Variants in RAP1B observed in about 807,000 individuals in gnomAD.
The protein encoded by RAP1B is ras-related protein Rap-1b.
RAP1B carries 1 observed loss-of-function variant against 27.5 expected under a neutral mutation model. That is an observed-to-expected ratio of 0.04 (90% CI 0.01 to 0.17). The LOEUF is 0.17. RAP1B is among the 10% of genes least tolerant of loss of function. RAP1B has a pLI of 1.00. For synonymous variants in RAP1B, 75 were observed against 73.1 expected (o/e 1.03, Z -0.13); for missense variants, 84 against 214.8 (o/e 0.39, Z 3.81).
In RAP1B at chr12:68,662,214, A is replaced by G. The variant is rs1874638726; in HGVS notation, c.*2965A>G. On this transcript the variant is annotated 3_prime_UTR_variant, in exon 8 of 8. Transcript: ENST00000250559. ...TGCAGTTTGGGAGCACAACTCATGT[A>G]GATTGACTTTTCTGGTGCTTAATGG... 1 of 151,810 alleles carries G rather than the reference A, an allele frequency of 6.6e-6. No homozygotes were observed. Among genetic ancestry groups the G allele is most frequent in the South Asian group, 2.1e-4 (1 of 4,826 alleles). The allele number at this position is 151,810 out of a possible 1,614,324, so 9.4% of individuals were successfully genotyped here. A position where few individuals can be genotyped will look rare whatever the true frequency, so the allele number is the denominator to read the frequency against.
At chr12:68,626,420 TG>T (rs759146034) in intron 1 of RAP1B, among the ~76,000 whole-genome samples, 12 of 152,206 alleles carry the variant, frequency 7.9e-5, no homozygotes, top group Non-Finnish European at 1.6e-4. Context: ...CTTTGCAACC[TG>T]TTCAGCAAAT....
rs373952903 is a variant in RAP1B, at chr12:68,640,392, G to C, written c.-26-8307G>C. Among the ~76,000 whole-genome samples the C allele has an allele frequency of 4.6e-5, 7 of 151,652 alleles. No individual in the cohort carries two copies. In the South Asian group the frequency reaches 1.5e-3, roughly 32 times the overall value. On this transcript the variant is annotated intron_variant, in intron 1 of 7. Coordinates refer to ENST00000250559, the MANE Select transcript of RAP1B (RefSeq NM_001010942.3). The stretch of plus-strand genomic sequence containing the variant: ...TTCCCCCTCTATACCCTTTACTCCA[G>C]ATTATAAATTCTGAGGACAGGGTCT...
rs770749023 is a variant in RAP1B, at chr12:68,629,321, C to G, written c.-27+18278C>G. Among the ~76,000 whole-genome samples the G allele has an allele frequency of 1.4e-3, 216 of 152,118 alleles. 2 individuals are homozygous for G. Among genetic ancestry groups the G allele is most frequent in the Non-Finnish European group, 2.8e-4 (19 of 68,034 alleles). ...ACAGTACCTTATTTTCATTGTTGCTCTGAAGATTGAAATTTAATATATGGA... is the reference window on the plus strand; with the variant it reads ...ACAGTACCTTATTTTCATTGTTGCTGTGAAGATTGAAATTTAATATATGGA... On this transcript the variant is annotated intron_variant, in intron 1 of 7. Coordinates refer to ENST00000250559, the MANE Select transcript of RAP1B (RefSeq NM_001010942.3).
At chr12:68,626,216 C>G (rs1217728645) in intron 1 of RAP1B, among the ~76,000 whole-genome samples, 1 of 152,170 alleles carries the variant, frequency 6.6e-6, no homozygotes, top group Admixed American at 6.5e-5. Context: ...TTCTTCCATT[C>G]ATGAAAATGG....
chr12:68,639,791 A>C (rs1413422233), intron 1 of RAP1B, among the ~76,000 whole-genome samples: 1 of 152,000 alleles, frequency 6.6e-6, no homozygotes, highest in African/African-American at 2.4e-5. Flanking sequence ...TTGACTCCCA[A>C]ATCCAAATTT....
chr12:68,647,610 T>G (rs1183541802), intron 1 of RAP1B, among the ~76,000 whole-genome samples: 1 of 151,410 alleles, frequency 6.6e-6, no homozygotes, highest in Non-Finnish European at 1.5e-5. Context: ...CTTGCTAGAC[T>G]GCTGGTCTTA....
intron 1 of RAP1B, among the ~76,000 whole-genome samples, chr12:68,618,448 A>G (rs538348495): frequency 1.3e-5 from 2 of 152,206 alleles, no homozygotes; most frequent in Non-Finnish European, 2.9e-5. Context: ...ATGAATAAGG[A>G]CTAATAAATA....
intron 1 of RAP1B, among the ~76,000 whole-genome samples, chr12:68,641,670 A>C (rs913313400): frequency 6.6e-6 from 1 of 152,202 alleles, no homozygotes; most frequent in Non-Finnish European, 1.5e-5. Flanking sequence ...CAAATTAGGA[A>C]TCTTTAAATG....
At chr12:68,625,387 A>T (rs1296401086) in intron 1 of RAP1B, among the ~76,000 whole-genome samples, 3 of 152,266 alleles carry the variant, frequency 2.0e-5, no homozygotes, top group Non-Finnish European at 2.9e-5. Context: ...GTGCGTGCGT[A>T]AGCAGGTAGT....
rs527770574 is a variant in RAP1B at position 68,669,791 on chromosome 12, C to G, written c.*10542C>G. 4 of 152,102 alleles carry G rather than the reference C, an allele frequency of 2.6e-5. No homozygotes were observed. Among genetic ancestry groups the G allele is most frequent in the African/African-American group, 9.7e-5 (4 of 41,404 alleles). 9.4% of individuals were successfully genotyped at this position (152,102 alleles called of 1,614,324 possible). On this transcript the variant is annotated 3_prime_UTR_variant, in exon 8 of 8. Transcript: ENST00000250559. Reference sequence around the variant, plus strand: ...CTCCAGCCTGGGTGACAGAGCAAATCTCTATCTCAAGAAAAAGAAAAAAGA... The same window carrying G: ...CTCCAGCCTGGGTGACAGAGCAAATGTCTATCTCAAGAAAAAGAAAAAAGA...
At chr12:68,630,054 C>A (rs1296786907) in intron 1 of RAP1B, among the ~76,000 whole-genome samples, 1 of 152,218 alleles carries the variant, frequency 6.6e-6, no homozygotes, top group African/African-American at 2.4e-5. Context: ...GAACTAGATT[C>A]TTTCCCTTTG....
At chr12:68,627,077 C>T (rs1871847886) in intron 1 of RAP1B, 1 of 1,593,570 alleles carries the variant, frequency 6.3e-7, no homozygotes, top group Non-Finnish European at 8.5e-7. Flanking sequence ...CAATCACATG[C>T]TCCTTGTTCT....
chr12:68,611,354 A>T (rs868392056), intron 1 of RAP1B, among the ~76,000 whole-genome samples: 4 of 63,258 alleles, frequency 6.3e-5, no homozygotes, highest in African/African-American at 1.2e-4. Flanking sequence ...GGACCCCCCC[A>T]CCCGCCCGCT....
intron 1 of RAP1B, among the ~76,000 whole-genome samples, chr12:68,646,775 T>C (rs1232289233): frequency 1.3e-5 from 2 of 152,240 alleles, no homozygotes; most frequent in African/African-American, 4.8e-5. Flanking sequence ...ACATGCAACA[T>C]CAGTTCCTCC....
At chr12:68,622,500 T>G (rs185039104) in intron 1 of RAP1B, among the ~76,000 whole-genome samples, 1 of 152,228 alleles carries the variant, frequency 6.6e-6, no homozygotes, top group East Asian at 1.9e-4. Flanking sequence ...CCAGCTGTAC[T>G]TCTTTCTGTG....
At chr12:68,652,418 GCA>G (rs1873877340) in intron 4 of RAP1B, among the ~76,000 whole-genome samples, 1 of 152,066 alleles carries the variant, frequency 6.6e-6, no homozygotes, top group Admixed American at 6.5e-5. Flanking sequence ...TTGTGCCACT[GCA>G]TTCCAGCCTG....
intron 1 of RAP1B, among the ~76,000 whole-genome samples, chr12:68,637,404 C>G (rs1872699001): frequency 6.6e-6 from 1 of 151,900 alleles, no homozygotes; most frequent in East Asian, 1.9e-4. Flanking sequence ...TTAGGATAAG[C>G]CTGGCCATCA....
At chr12:68,646,053 A>C (rs1873383100) in intron 1 of RAP1B, among the ~76,000 whole-genome samples, 1 of 152,238 alleles carries the variant, frequency 6.6e-6, no homozygotes. Flanking sequence ...TCATGGATAA[A>C]TGAAGCAGCT....
Position 68,667,800 on chromosome 12 carries a change from A to G in RAP1B, c.*8551A>G, listed in dbSNP as rs1310164223. 2 of 152,210 alleles carry G rather than the reference A, an allele frequency of 1.3e-5. No individual in the cohort carries two copies. The highest frequency in any genetic ancestry group is 4.8e-5 in the African/African-American group (2 of 41,452). 9.4% of individuals were successfully genotyped at this position (152,210 alleles called of 1,614,324 possible). A position where few individuals can be genotyped will look rare whatever the true frequency, so the allele number is the denominator to read the frequency against. On this transcript the variant is annotated 3_prime_UTR_variant, in exon 8 of 8. Coordinates refer to ENST00000250559, the MANE Select transcript of RAP1B (RefSeq NM_001010942.3). ...ATGCCTTGGATCATACAGGATTTCA[A>G]CGGGAGATTTATAAGTCTATTTTGT...
Sources: gnomAD v4.1 joint callset for allele counts (sites outside exome capture counted in the v4.1 genomes callset) on GRCh38, gnomAD v4.1.1 for gene constraint, MANE v1.5 for transcripts, NCBI Gene and HGNC (gene_info 2026-07-23, HGNC 2026-07-21) for gene names.